Variants in GRID2 observed in about 807,000 individuals in gnomAD.
GRID2 encodes glutamate ionotropic receptor delta type subunit 2.
GRID2 carries 33 observed loss-of-function variants against 114.8 expected under a neutral mutation model. The observed-to-expected ratio is 0.29, with a 90% confidence interval of 0.22 to 0.38. The LOEUF is 0.38. Among genes scored for constraint, GRID2 ranks in the 10% least tolerant of loss-of-function variants. GRID2 has a pLI of 1.00. For synonymous variants in GRID2, 505 were observed against 449.9 expected (o/e 1.12, Z -1.55); for missense variants, 1,184 against 1,257.7 (o/e 0.94, Z 0.89).
At chr4:93,020,634 G>T (rs963666454) in intron 2 of GRID2, among the ~76,000 whole-genome samples, 2 of 152,118 alleles carry the variant, frequency 1.3e-5, no homozygotes, top group Non-Finnish European at 2.9e-5. Context: ...AAATCATATG[G>T]CATTCAGTCT....
rs543156589 is a variant in GRID2 at position 93,230,013 on chromosome 4, T to C, written c.1125+5238T>C. ...GAAGGAATTATAGTTTTAAAAATAT[T>C]GAGTCTTTCCATCTATAACATGGCA... On this transcript the variant is annotated intron_variant, in intron 7 of 15. Transcript: ENST00000282020. Among the ~76,000 whole-genome samples, 19 of 152,280 alleles carry C rather than the reference T, an allele frequency of 1.2e-4. No individual in the cohort carries two copies. In the South Asian group the frequency reaches 3.7e-3, roughly 30 times the overall value.
chr4:92,923,766 C>T lies in GRID2; in HGVS notation c.245-161229C>T, dbSNP rs76868238. ...CACATAATGATCATTTCCACAGTAG[C>T]AATACAGAGACTGCGACATTGAAAT... On this transcript the variant is annotated intron_variant, in intron 2 of 15. Coordinates refer to ENST00000282020, the MANE Select transcript of GRID2 (RefSeq NM_001510.4). Among the ~76,000 whole-genome samples, 349 of 152,228 alleles carry T rather than the reference C, an allele frequency of 2.3e-3. 1 individual carries two copies. Among genetic ancestry groups the T allele is most frequent in the African/African-American group, 7.9e-3 (327 of 41,552 alleles).
chr4:93,305,914 A>G (rs536993525), intron 8 of GRID2, among the ~76,000 whole-genome samples: 14 of 152,296 alleles, frequency 9.2e-5, no homozygotes, highest in African/African-American at 3.4e-4. Context: ...TTAACGATCT[A>G]TGTGATTCAA....
intron 2 of GRID2, among the ~76,000 whole-genome samples, chr4:92,816,195 A>G (rs1024232869): frequency 3.3e-5 from 5 of 150,898 alleles, no homozygotes; most frequent in African/African-American, 7.3e-5. Context: ...CATGCGTGCA[A>G]TCCCAGCTAC....
At chr4:93,174,549 G>A (rs1393332850) in intron 4 of GRID2, among the ~76,000 whole-genome samples, 16 of 152,090 alleles carry the variant, frequency 1.1e-4, no homozygotes, top group Non-Finnish European at 2.2e-4. Context: ...GACTGTATCT[G>A]GAGATAGGGT....
chr4:92,784,005 CTTTCA>C (rs2149360223), intron 2 of GRID2, among the ~76,000 whole-genome samples: 1 of 151,826 alleles, frequency 6.6e-6, no homozygotes, highest in South Asian at 2.1e-4. Context: ...AATGTTTTTC[CTTTCA>C]TATGTTCTTA....
chr4:93,480,615 A>G (rs766598015), intron 11 of GRID2, among the ~76,000 whole-genome samples: 21 of 152,214 alleles, frequency 1.4e-4, no homozygotes, highest in African/African-American at 4.1e-4. Context: ...AGAAACAGCC[A>G]TGACTCACTG....
intron 2 of GRID2, among the ~76,000 whole-genome samples, chr4:92,592,699 G>A (rs1728760714): frequency 6.6e-6 from 1 of 152,160 alleles, no homozygotes; most frequent in South Asian, 2.1e-4. Context: ...CAGTTATTGT[G>A]ATGGTCAGCT....
intron 1 of GRID2, among the ~76,000 whole-genome samples, chr4:92,383,410 A>G (rs745437531): frequency 2.6e-5 from 4 of 151,972 alleles, no homozygotes; most frequent in Non-Finnish European, 4.4e-5. Flanking sequence ...ATAAGCTCCA[A>G]AGGCCTAAGA....
At chr4:93,737,220 A>G (rs1731001364) in intron 14 of GRID2, among the ~76,000 whole-genome samples, 1 of 152,072 alleles carries the variant, frequency 6.6e-6, no homozygotes, top group African/African-American at 2.4e-5. Context: ...TTCAAGTAAA[A>G]TGGGTATTTC....
chr4:93,259,735 TTTTA>T (rs1750043410), intron 8 of GRID2, among the ~76,000 whole-genome samples: 1 of 151,832 alleles, frequency 6.6e-6, no homozygotes, highest in African/African-American at 2.4e-5. Flanking sequence ...TTTCAATTCA[TTTTA>T]TAAAGAAGGT....
intron 12 of GRID2, among the ~76,000 whole-genome samples, chr4:93,509,575 C>T (rs1728969446): frequency 6.6e-6 from 1 of 152,122 alleles, no homozygotes; most frequent in South Asian, 2.1e-4. Flanking sequence ...AGTATTAGTT[C>T]CTCTGCTCAA....
chr4:92,337,441 A>G (rs191333502), intron 1 of GRID2, among the ~76,000 whole-genome samples: 21 of 152,248 alleles, frequency 1.4e-4, no homozygotes, highest in African/African-American at 4.6e-4. Context: ...TGTGCCCAGA[A>G]GAAAAGTGAA....
At chr4:92,401,761 A>G (rs1730799873) in intron 1 of GRID2, among the ~76,000 whole-genome samples, 1 of 152,134 alleles carries the variant, frequency 6.6e-6, no homozygotes, top group Non-Finnish European at 1.5e-5. Context: ...CTCACTGTTT[A>G]TGGCTGCTGA....
intron 1 of GRID2, among the ~76,000 whole-genome samples, chr4:92,341,917 A>C (rs1727513262): frequency 6.7e-6 from 1 of 148,790 alleles, no homozygotes; most frequent in South Asian, 2.1e-4. Context: ...CATCTCAAAA[A>C]AAAAAAAAAA....
chr4:92,580,428 A>G lies in GRID2; in HGVS notation c.89-9703A>G, dbSNP rs546645089. Among the ~76,000 whole-genome samples, 5 of 152,088 alleles carry G rather than the reference A, an allele frequency of 3.3e-5. No individual in the cohort carries two copies. In the South Asian group the frequency reaches 1.0e-3, roughly 32 times the overall value. On this transcript the variant is annotated intron_variant, in intron 1 of 15. Coordinates refer to ENST00000282020, the MANE Select transcript of GRID2 (RefSeq NM_001510.4). ...ACCATTTTCCTACCTGAAATATTCT[A>G]CAGGCTGCAATCTGTTACTTTAGAA...
At chr4:93,317,323 G>GT (rs33937814) in intron 8 of GRID2, among the ~76,000 whole-genome samples, 10 of 148,188 alleles carry the variant, frequency 6.7e-5, no homozygotes, top group Admixed American at 4.7e-4. Flanking sequence ...TTCTCCTCAG[G>GT]TTTTTTTTTT....
chr4:92,488,386 G>A (rs1308404973), intron 1 of GRID2, among the ~76,000 whole-genome samples: 1 of 152,142 alleles, frequency 6.6e-6, no homozygotes, highest in Non-Finnish European at 1.5e-5. Context: ...CCAGTCACAA[G>A]GAAACTTAGC....
rs551623180 is a variant in GRID2 at position 92,469,847 on chromosome 4, T to A, written c.89-120284T>A. 1.5e-3 allele frequency among the ~76,000 whole-genome samples: 234 copies of A among 151,882 alleles called. 2 individuals carry two copies. The highest frequency in any genetic ancestry group is 6.8e-3 in the Middle Eastern group (2 of 294). On this transcript the variant is annotated intron_variant, in intron 1 of 15. Coordinates refer to ENST00000282020, the MANE Select transcript of GRID2 (RefSeq NM_001510.4). Reference sequence around the variant, plus strand: ...ACAAAATAAAATAAAACAAAAAAGCTGAGGAAGTTTAGTAACAGAGAAGAG... The same window carrying A: ...ACAAAATAAAATAAAACAAAAAAGCAGAGGAAGTTTAGTAACAGAGAAGAG...
Sources: gnomAD v4.1 joint callset for allele counts (sites outside exome capture counted in the v4.1 genomes callset) on GRCh38, gnomAD v4.1.1 for gene constraint, MANE v1.5 for transcripts, NCBI Gene and HGNC (gene_info 2026-07-23, HGNC 2026-07-21) for gene names.